The following MAST4 variants were observed in gnomAD, a reference collection of about 807,000 sequenced individuals.
MAST4 encodes the protein microtubule associated serine/threonine kinase family member 4, also known as microtubule-associated serine/threonine-protein kinase 4.
In MAST4, 89 loss-of-function variants were observed where a neutral mutation model predicts 162.7. That is an observed-to-expected ratio of 0.55 (90% CI 0.46 to 0.65). MAST4 has a LOEUF of 0.65. Ranked by LOEUF, MAST4 falls within the 30% of genes least tolerant of loss-of-function variation. The pLI, the probability that MAST4 is intolerant of heterozygous loss-of-function variation, is 0.00. For missense variants in MAST4, 3,153 were observed against 3,374.0 expected, an observed-to-expected ratio of 0.93 and a Z score of 1.62; for synonymous variants, 1,479 against 1,361.1, an observed-to-expected ratio of 1.09 and a Z score of -1.91.
At chr5:67,080,528 C>T (rs1453491930) in intron 5 of MAST4, among the ~76,000 whole-genome samples, 1 of 152,074 alleles carries the variant, frequency 6.6e-6, no homozygotes, top group Non-Finnish European at 1.5e-5. Context: ...CAATTATTTT[C>T]AGATTGTCTA....
intron 4 of MAST4, among the ~76,000 whole-genome samples, chr5:66,955,961 T>C (rs774190280): frequency 6.6e-6 from 1 of 150,838 alleles, no homozygotes; most frequent in Non-Finnish European, 1.5e-5. Context: ...TTAGTTGATA[T>C]GTCTTTTAAG....
intron 13 of MAST4, 23 bp from the exon 14 acceptor site, chr5:67,120,994 A>C: frequency 6.5e-7 from 1 of 1,540,350 alleles, no homozygotes; most frequent in Non-Finnish European, 8.9e-7. Context: ...ACTACTTTTT[A>C]ACTTCCATAT....
intron 1 of MAST4, among the ~76,000 whole-genome samples, chr5:66,719,439 A>G (rs1751059797): frequency 6.6e-6 from 1 of 152,232 alleles, no homozygotes; most frequent in Non-Finnish European, 1.5e-5. Flanking sequence ...CTGAGTAAAC[A>G]CTAAGACCAA....
chr5:66,727,245 C>A (rs1036309241), intron 1 of MAST4, among the ~76,000 whole-genome samples: 4 of 152,160 alleles, frequency 2.6e-5, no homozygotes, highest in African/African-American at 9.6e-5. Flanking sequence ...GTTGCTGAAA[C>A]AAACTTTCAT....
At position 67,164,080 on chromosome 5, in the gene MAST4, G is replaced by C. The variant is rs1773565708; in HGVS notation, c.4901G>C (p.Gly1634Ala). 1.3e-6 allele frequency: 2 copies of C among 1,570,992 alleles called. No individual in the cohort carries two copies. The highest frequency in any genetic ancestry group is 1.7e-6 in the Non-Finnish European group (2 of 1,157,652). ...RVPAEHRQGG[G>A]DFRRAPAPGT... Reference sequence around the variant, plus strand: ...CCTGCGGAGCACCGCCAGGGTGGCGGGGACTTCAGACGGGCCCCCGCTCCT... The same window carrying C: ...CCTGCGGAGCACCGCCAGGGTGGCGCGGACTTCAGACGGGCCCCCGCTCCT... Residue 1634 changes from glycine to alanine, a missense_variant, in exon 29 of 29, where the codon GGG (glycine) becomes GCG (alanine). Physicochemically the swap from Gly to Ala is moderately conservative, Grantham distance 60. This residue lies in a region of MAST4 where 1,644 missense variants were observed against 1,495.0 expected (regional missense o/e 1.10). Transcript: ENST00000403625. This position sits in a 1 kb window ranked among gnomAD's most constrained non-coding sequence, Gnocchi z 5.3.
At chr5:66,839,475 T>A (rs1758264035) in intron 3 of MAST4, among the ~76,000 whole-genome samples, 1 of 152,236 alleles carries the variant, frequency 6.6e-6, no homozygotes, top group African/African-American at 2.4e-5. Flanking sequence ...TACCATAATG[T>A]GTATTTTAAC....
intron 4 of MAST4, among the ~76,000 whole-genome samples, chr5:66,940,511 A>G (rs1012676824): frequency 1.1e-4 from 16 of 152,182 alleles, no homozygotes; most frequent in Admixed American, 9.2e-4. Flanking sequence ...CATCTTCATT[A>G]GGAGTAAATT....
chr5:67,143,889 A>T (rs182492719), intron 21 of MAST4, among the ~76,000 whole-genome samples: 3 of 152,258 alleles, frequency 2.0e-5, no homozygotes, highest in Admixed American at 2.0e-4. Flanking sequence ...CTTTCCTGCT[A>T]TTCCTAGTAG....
At chr5:66,803,339 T>C (rs1424101625) in intron 3 of MAST4, among the ~76,000 whole-genome samples, 2 of 152,200 alleles carry the variant, frequency 1.3e-5, no homozygotes, top group African/African-American at 4.8e-5. Context: ...CCTCATGCCA[T>C]GGTTGTTCTT....
intron 1 of MAST4, among the ~76,000 whole-genome samples, chr5:66,666,235 T>C (rs770324550): frequency 6.6e-6 from 1 of 152,206 alleles, no homozygotes; most frequent in African/African-American, 2.4e-5. Flanking sequence ...GCTCATATTT[T>C]TATTCTGGAT....
chr5:66,942,533 A>C (rs558626136), intron 4 of MAST4, among the ~76,000 whole-genome samples: 13 of 152,298 alleles, frequency 8.5e-5, no homozygotes, highest in Non-Finnish European at 1.8e-4. Context: ...TTTAGGTATA[A>C]CTAGCTAGTG....
chr5:67,165,939 C>G lies in MAST4; in HGVS notation c.6760C>G (p.Pro2254Ala). The G allele has an allele frequency of 2.5e-6, 4 of 1,613,404 alleles. No homozygotes were observed. The highest frequency in any genetic ancestry group is 3.4e-6 in the Non-Finnish European group (4 of 1,179,844). ...TGGGCCGGATGTGTTTCCTGCTACC[C>G]CAGGCTCCCAGAACAAAGCCAGCGA... is the stretch of plus-strand genomic sequence containing the variant. Reference protein sequence around the residue: ...KSGPDVFPATPGSQNKASDGI... With the variant: ...KSGPDVFPATAGSQNKASDGI... The change falls in exon 29 of 29, where the codon CCA (proline) becomes GCA (alanine). Residue 2254 changes from proline to alanine, a missense_variant. Around this residue, in one of 7 missense-constraint regions of MAST4, gnomAD observed 1,644 missense variants for 1,495.0 expected, o/e 1.10. Coordinates refer to ENST00000403625, the MANE Select transcript of MAST4 (RefSeq NM_001164664.2).
chr5:66,715,816 A>G (rs917206124), intron 1 of MAST4, among the ~76,000 whole-genome samples: 1 of 151,732 alleles, frequency 6.6e-6, no homozygotes, highest in Non-Finnish European at 1.5e-5. Context: ...ATGGATACAG[A>G]TATCAAATTA....
intron 19 of MAST4, among the ~76,000 whole-genome samples, chr5:67,140,929 G>A (rs1236046006): frequency 1.3e-5 from 2 of 152,016 alleles, no homozygotes; most frequent in South Asian, 2.1e-4. Flanking sequence ...CCCTTTTTGG[G>A]TAGTTTCCTC....
intron 23 of MAST4, among the ~76,000 whole-genome samples, chr5:67,148,050 G>A (rs73766485): frequency 0.013 from 1,909 of 152,274 alleles, 41 homozygotes; most frequent in African/African-American, 0.043. Context: ...ATACCACTGA[G>A]TGGTATATAG....
At chr5:66,758,267 CTT>C (rs1221616045) in intron 1 of MAST4, among the ~76,000 whole-genome samples, 1 of 151,958 alleles carries the variant, frequency 6.6e-6, no homozygotes, top group South Asian at 2.1e-4. Flanking sequence ...TTAGGGGAAT[CTT>C]TTAGCAGCTA....
At chr5:67,006,107 T>C (rs1752001149) in intron 4 of MAST4, among the ~76,000 whole-genome samples, 1 of 152,256 alleles carries the variant, frequency 6.6e-6, no homozygotes, top group Non-Finnish European at 1.5e-5. Flanking sequence ...TTTGAAGTTT[T>C]TCATGGTTTC....
At chr5:67,048,227 T>C (rs1401910961) in intron 4 of MAST4, among the ~76,000 whole-genome samples, 1 of 152,224 alleles carries the variant, frequency 6.6e-6, no homozygotes, top group Non-Finnish European at 1.5e-5. Flanking sequence ...GTCCATGATA[T>C]ATAATTTTAG....
chr5:66,629,105 G>T (rs1744632838), intron 1 of MAST4, among the ~76,000 whole-genome samples: 1 of 152,220 alleles, frequency 6.6e-6, no homozygotes, highest in South Asian at 2.1e-4. Context: ...TTGAGTGGGA[G>T]AGTGCAGGCT....
Sources: gnomAD v4.1 joint callset for allele counts (sites outside exome capture counted in the v4.1 genomes callset) on GRCh38, gnomAD v4.1.1 for gene constraint, gnomAD v4.1.1 regional missense constraint, Gnocchi (gnomAD v3.1) non-coding constraint, MANE v1.5 for transcripts, NCBI Gene and HGNC (gene_info 2026-07-23, HGNC 2026-07-21) for gene names.